Variants in DUSP10 observed in about 807,000 individuals in gnomAD.
DUSP10 encodes dual specificity phosphatase 10, also known as dual specificity protein phosphatase 10.
DUSP10 carries 14 observed loss-of-function variants against 30.8 expected under a neutral mutation model. That is an observed-to-expected ratio of 0.46 (90% CI 0.30 to 0.71). DUSP10 has a LOEUF of 0.71. DUSP10 is among the 30% of genes least tolerant of loss of function. DUSP10 has a pLI of 0.08. For missense variants in DUSP10, 550 were observed against 619.4 expected (o/e 0.89, Z 1.19); for synonymous variants, 254 against 250.4 (o/e 1.01, Z -0.14).
chr1:221,737,889 G>T (rs1661827557), intron 2 of DUSP10, among the ~76,000 whole-genome samples: 1 of 152,206 alleles, frequency 6.6e-6, no homozygotes, highest in Non-Finnish European at 1.5e-5. Flanking sequence ...CAACACCTTT[G>T]GTCAACACAC....
intron 1 of DUSP10, 34 bp from the exon 2 acceptor site, chr1:221,739,821 A>T (rs1661897383): frequency 6.7e-7 from 1 of 1,487,712 alleles, no homozygotes; most frequent in Non-Finnish European, 8.9e-7. Flanking sequence ...AGAAAGAATA[A>T]AGTCACGTGA....
At chr1:221,704,060 CG>C (rs1660688075) in intron 3 of DUSP10, among the ~76,000 whole-genome samples, 1 of 151,232 alleles carries the variant, frequency 6.6e-6, no homozygotes, top group Non-Finnish European at 1.5e-5. Context: ...GCTGGACCAC[CG>C]GTTCCACTAC....
At chr1:221,719,661 C>T (rs555161892) in intron 2 of DUSP10, among the ~76,000 whole-genome samples, 2 of 152,278 alleles carry the variant, frequency 1.3e-5, no homozygotes, top group African/African-American at 2.4e-5. Flanking sequence ...CAGAATGAAG[C>T]GCTGACCTGG....
At chr1:221,731,315 T>G (rs777982135) in intron 2 of DUSP10, among the ~76,000 whole-genome samples, 4 of 152,308 alleles carry the variant, frequency 2.6e-5, no homozygotes, top group Admixed American at 2.0e-4. Flanking sequence ...GAAATATTGT[T>G]TACAATGCTT....
intron 2 of DUSP10, among the ~76,000 whole-genome samples, chr1:221,715,769 C>T (rs1261278182): frequency 1.3e-5 from 2 of 152,182 alleles, no homozygotes; most frequent in Non-Finnish European, 1.5e-5. Context: ...GAGCAGATGA[C>T]TTTTATGTGA....
intron 2 of DUSP10, among the ~76,000 whole-genome samples, chr1:221,723,949 C>G (rs1661348266): frequency 6.6e-6 from 1 of 152,220 alleles, no homozygotes; most frequent in Non-Finnish European, 1.5e-5. Context: ...CCCTGACCTT[C>G]TAATCATGTG....
At chr1:221,716,172 C>T (rs985337122) in intron 2 of DUSP10, among the ~76,000 whole-genome samples, 1 of 152,174 alleles carries the variant, frequency 6.6e-6, no homozygotes, top group African/African-American at 2.4e-5. Context: ...GAATTTCAAA[C>T]GAATCCACAG....
At chr1:221,715,633 G>C (rs910882275) in intron 2 of DUSP10, among the ~76,000 whole-genome samples, 1 of 152,196 alleles carries the variant, frequency 6.6e-6, no homozygotes, top group Non-Finnish European at 1.5e-5. Context: ...AATACAGCCT[G>C]TTTCTTTAAA....
chr1:221,706,493 G>T lies in DUSP10; in HGVS notation c.812-27C>A. On this transcript the variant is annotated intron_variant, in intron 2 of 3. Transcript: ENST00000366899. The surrounding 1 kb of genome is among the most constrained non-coding windows in gnomAD (Gnocchi z 4.6). The stretch of plus-strand genomic sequence containing the variant: ...TAGAACACAAACACAGAAGGTGAGT[G>T]TGACTGAGATTTCAGAGCTGGCAGA... 2 of 1,434,442 alleles carry T rather than the reference G, an allele frequency of 1.4e-6. No individual in the cohort carries two copies. Among genetic ancestry groups the T allele is most frequent in the Non-Finnish European group, 1.8e-6 (2 of 1,088,110 alleles). The allele number at this position is 1,434,442 out of a possible 1,614,324, so 88.9% of individuals were successfully genotyped here.
intron 2 of DUSP10, among the ~76,000 whole-genome samples, chr1:221,727,018 T>C (rs1661442649): frequency 6.6e-6 from 1 of 152,110 alleles, no homozygotes; most frequent in Non-Finnish European, 1.5e-5. Flanking sequence ...ATTGAGCCCA[T>C]GAGAAAAGAG....
chr1:221,708,106 G>C (rs181306803), intron 2 of DUSP10, among the ~76,000 whole-genome samples: 20 of 152,288 alleles, frequency 1.3e-4, no homozygotes, highest in African/African-American at 4.3e-4. Flanking sequence ...TGAAAAGAGG[G>C]GGAAGTGGAA....
At chr1:221,714,395 G>A (rs1428656910) in intron 2 of DUSP10, among the ~76,000 whole-genome samples, 1 of 152,182 alleles carries the variant, frequency 6.6e-6, no homozygotes, top group Non-Finnish European at 1.5e-5. Flanking sequence ...TCGCACGTGT[G>A]GATGCCAGCA....
intron 2 of DUSP10, among the ~76,000 whole-genome samples, chr1:221,728,453 C>T (rs1308394042): frequency 2.0e-5 from 3 of 152,114 alleles, no homozygotes. Flanking sequence ...AGGGTCTGTC[C>T]TTGCCACACC....
chr1:221,715,886 C>T (rs866613124), intron 2 of DUSP10, among the ~76,000 whole-genome samples: 11 of 152,058 alleles, frequency 7.2e-5, no homozygotes, highest in African/African-American at 2.2e-4. Flanking sequence ...TCTTCCCCAC[C>T]AGGGCCTTGG....
chr1:221,706,426 A>T lies in DUSP10; in HGVS notation c.852T>A (p.Cys284Ter). The change falls in exon 3 of 4, where the codon TGT becomes TGA. Residue 284 changes from cysteine (C) to a stop codon, truncating the protein, a stop_gained. Coordinates refer to ENST00000366899, the MANE Select transcript of DUSP10 (RefSeq NM_007207.6). LOFTEE classifies it high-confidence loss of function. This position sits in a 1 kb window ranked among gnomAD's most constrained non-coding sequence, Gnocchi z 4.6. ...SSFKQNHENL[C>*]DNSLQLQECR... ...ACTCTTGGAGCTGGAGGGAGTTGTC[A>T]CAGAGGTTTTCATGGTTCTGCTTAA... 1 of 1,537,864 alleles carries T rather than the reference A, an allele frequency of 6.5e-7. No homozygotes were observed. The highest frequency in any genetic ancestry group is 8.8e-7 in the Non-Finnish European group (1 of 1,142,770).
chr1:221,718,882 A>G (rs992706856), intron 2 of DUSP10, among the ~76,000 whole-genome samples: 9 of 152,384 alleles, frequency 5.9e-5, no homozygotes, highest in East Asian at 5.8e-4. Flanking sequence ...GCATATTTCT[A>G]CTGTGAAACA....
At chr1:221,730,248 A>T (rs1661542672) in intron 2 of DUSP10, among the ~76,000 whole-genome samples, 1 of 152,244 alleles carries the variant, frequency 6.6e-6, no homozygotes, top group African/African-American at 2.4e-5. Flanking sequence ...TGATGTTCTG[A>T]TGCAAAACGG....
chr1:221,733,293 C>A (rs993134269), intron 2 of DUSP10, among the ~76,000 whole-genome samples: 3 of 152,194 alleles, frequency 2.0e-5, no homozygotes, highest in Non-Finnish European at 2.9e-5. Context: ...ACATATTCAC[C>A]ATTCTCCCTT....
At chr1:221,725,964 C>G (rs2102640174) in intron 2 of DUSP10, among the ~76,000 whole-genome samples, 1 of 152,332 alleles carries the variant, frequency 6.6e-6, no homozygotes, top group South Asian at 2.1e-4. Context: ...TTTAATAGCG[C>G]TGAGTGGTGC....
Sources: gnomAD v4.1 joint callset for allele counts (sites outside exome capture counted in the v4.1 genomes callset) on GRCh38, gnomAD v4.1.1 for gene constraint, Gnocchi (gnomAD v3.1) non-coding constraint, MANE v1.5 for transcripts, NCBI Gene and HGNC (gene_info 2026-07-23, HGNC 2026-07-21) for gene names.